Variants in CD164 observed in about 807,000 individuals in gnomAD.
CD164 encodes the protein CD164 molecule, also known as sialomucin core protein 24.
In CD164, 11 loss-of-function variants were observed where a neutral mutation model predicts 24.6. That is an observed-to-expected ratio of 0.45 (90% CI 0.28 to 0.74). CD164 has a LOEUF of 0.74. Ranked by LOEUF, CD164 falls within the 30% of genes least tolerant of loss-of-function variation. The pLI, the probability that CD164 is intolerant of heterozygous loss-of-function variation, is 0.13. For synonymous variants in CD164, 126 were observed against 100.3 expected (o/e 1.26, Z -1.53); for missense variants, 295 against 243.7 (o/e 1.21, Z -1.40).
At chr6:109,378,687 T>C (rs1208209435) in intron 2 of CD164, among the ~76,000 whole-genome samples, 1 of 152,168 alleles carries the variant, frequency 6.6e-6, no homozygotes, top group Non-Finnish European at 1.5e-5. Context: ...AACTCTTACA[T>C]ACTCCCATAT....
intron 5 of CD164, 95 bp downstream of exon 5, chr6:109,370,316 T>C: frequency 2.0e-6 from 2 of 989,016 alleles, no homozygotes; most frequent in Non-Finnish European, 1.6e-6. Context: ...TCCATAACCA[T>C]TAACGAAGAA....
intron 1 of CD164, chr6:109,381,425 A>G: frequency 1.5e-6 from 1 of 685,090 alleles, no homozygotes; most frequent in Non-Finnish European, 2.6e-6. Context: ...AAAACAATTG[A>G]AAAAAGAATA....
intron 4 of CD164, among the ~76,000 whole-genome samples, chr6:109,375,617 C>CAAAAAAAAAAAAAAAAAAAAA (rs58138405): frequency 1.3e-4 from 9 of 71,374 alleles, no homozygotes; most frequent in Admixed American, 3.3e-4. Context: ...ACTTCGCTTC[C>CAAAAAAAAAAAAAAAAAAAAA]AAAAAAAAAA....
chr6:109,375,989 C>A, intron 4 of CD164, 85 bp downstream of exon 4: 1 of 1,056,006 alleles, frequency 9.5e-7, no homozygotes, highest in Non-Finnish European at 1.4e-6. Context: ...ATACTAACAA[C>A]TTTTACATAA....
intron 4 of CD164, among the ~76,000 whole-genome samples, chr6:109,373,220 G>C (rs1383842087): frequency 2.0e-5 from 3 of 152,108 alleles, no homozygotes; most frequent in African/African-American, 7.2e-5. Context: ...GCTTAATACA[G>C]TTCATCTTCC....
intron 4 of CD164, among the ~76,000 whole-genome samples, chr6:109,373,267 T>G (rs1324509512): frequency 5.3e-5 from 8 of 152,232 alleles, no homozygotes; most frequent in African/African-American, 1.4e-4. Context: ...TCTGACATAT[T>G]TTGGCTATTC....
At chr6:109,377,997 C>T in intron 2 of CD164, 26 bp from the exon 3 acceptor site, 5 of 1,558,558 alleles carry the variant, frequency 3.2e-6, no homozygotes, top group Non-Finnish European at 4.4e-6. Context: ...GGAAAAGAGA[C>T]AAACAGCATC....
rs1449039267 is a variant in CD164, at chr6:109,378,913, AG to A, written c.259+665del. Among the ~76,000 whole-genome samples the A allele has an allele frequency of 1.8e-4, 28 of 151,870 alleles. No homozygotes were observed. The East Asian group carries it at 5.4e-3, about 29-fold the overall frequency. The stretch of plus-strand genomic sequence containing the variant: ...TAAAAAAAAAACCGCCAAAACAACT[AG>A]ATTGTTTTACTGATAAGTGCAACCA... On this transcript the variant is annotated intron_variant, in intron 2 of 5. Transcript: ENST00000310786.
At chr6:109,374,540 G>A (rs1582477726) in intron 4 of CD164, among the ~76,000 whole-genome samples, 1 of 152,054 alleles carries the variant, frequency 6.6e-6, no homozygotes, top group African/African-American at 2.4e-5. Flanking sequence ...TTCTGGCATC[G>A]TTCCAATCTA....
At chr6:109,375,127 AAAT>A (rs1444799738) in intron 4 of CD164, among the ~76,000 whole-genome samples, 1 of 152,210 alleles carries the variant, frequency 6.6e-6, no homozygotes, top group Non-Finnish European at 1.5e-5. Context: ...ATGGGAATGA[AAAT>A]AATAAATCTT....
chr6:109,368,795 G>T lies in CD164; in HGVS notation c.*56C>A. 1.9e-6 allele frequency: 3 copies of T among 1,554,660 alleles called. No homozygotes were observed. The highest frequency in any genetic ancestry group is 2.6e-6 in the Non-Finnish European group (3 of 1,156,310). Reference sequence around the variant, plus strand: ...GGGACATCTTAAAAGATAGTATTTTGGCTTCAGTGAGTTACACAAATGAAT... The same window carrying T: ...GGGACATCTTAAAAGATAGTATTTTTGCTTCAGTGAGTTACACAAATGAAT... On this transcript the variant is annotated 3_prime_UTR_variant, in exon 6 of 6. Coordinates refer to ENST00000310786, the MANE Select transcript of CD164 (RefSeq NM_006016.6).
At chr6:109,381,276 A>G (rs1417269825) in intron 1 of CD164, among the ~76,000 whole-genome samples, 2 of 152,194 alleles carry the variant, frequency 1.3e-5, no homozygotes, top group Non-Finnish European at 2.9e-5. Flanking sequence ...TGCCTTAACC[A>G]GCCCTATGCG....
At position 109,368,523 on chromosome 6, in the gene CD164, T is replaced by C; in HGVS notation, c.*328A>G. 1 of 1,363,508 alleles carries C rather than the reference T, an allele frequency of 7.3e-7. No homozygotes were observed. Among genetic ancestry groups the C allele is most frequent in the Non-Finnish European group, 9.4e-7 (1 of 1,064,060 alleles). The allele number at this position is 1,363,508 out of a possible 1,614,324, so 84.5% of individuals were successfully genotyped here. A position where few individuals can be genotyped will look rare whatever the true frequency, so the allele number is the denominator to read the frequency against. ...AAATTTAAACTGCCAAGAGCCATGA[T>C]GTTGTCTGCACAAGACAACATTTTC... On this transcript the variant is annotated 3_prime_UTR_variant, in exon 6 of 6. Transcript: ENST00000310786.
chr6:109,373,773 C>T (rs1054229143), intron 4 of CD164, among the ~76,000 whole-genome samples: 2 of 152,204 alleles, frequency 1.3e-5, no homozygotes, highest in Admixed American at 6.5e-5. Context: ...TAAATATTTA[C>T]GACCACATCA....
intron 2 of CD164, 55 bp from the exon 3 acceptor site, chr6:109,378,026 T>C (rs779173634): frequency 4.5e-5 from 62 of 1,391,246 alleles, no homozygotes; most frequent in Non-Finnish European, 6.0e-5. Flanking sequence ...ATTTGTATTA[T>C]CTTTGACTCT....
In CD164 at chr6:109,368,965, G is replaced by A. The variant is rs1196139495; in HGVS notation, c.480C>T (p.Thr160=). The A allele has an allele frequency of 1.2e-6, 2 of 1,613,902 alleles. No homozygotes were observed. Among genetic ancestry groups the A allele is most frequent in the Non-Finnish European group, 1.7e-6 (2 of 1,179,876 alleles). The change falls in exon 6 of 6, where the codon ACC becomes ACT. Residue 160 remains threonine (T), a synonymous_variant. Transcript: ENST00000310786. ...CTCCAATGAAACTGGCTGCATCAAA[G>A]GTAGACTTTCGCACAGGTTGTGAGG... ...TPTSQPVRKS[T]FDAASFIGGI... is the part of the protein sequence containing the mutation.
intron 3 of CD164, 126 bp downstream of exon 3, chr6:109,377,774 T>G: frequency 2.8e-6 from 2 of 720,826 alleles, no homozygotes; most frequent in Admixed American, 4.1e-5. Flanking sequence ...CTATTCATAT[T>G]CCAATTCTAA....
intron 2 of CD164, among the ~76,000 whole-genome samples, chr6:109,379,001 T>C (rs545718107): frequency 3.4e-4 from 52 of 152,310 alleles, no homozygotes; most frequent in Admixed American, 2.1e-3. Context: ...AAGAATCTTA[T>C]TGAATTTCAA....
chr6:109,368,378 C>T lies in CD164; in HGVS notation c.*473G>A. 3 of 1,494,992 alleles carry T rather than the reference C, an allele frequency of 2.0e-6. No homozygotes were observed. The highest frequency in any genetic ancestry group is 2.5e-5 in the East Asian group (1 of 39,762). 92.6% of individuals were successfully genotyped at this position (1,494,992 alleles called of 1,614,324 possible). On this transcript the variant is annotated 3_prime_UTR_variant, in exon 6 of 6. Coordinates refer to ENST00000310786, the MANE Select transcript of CD164 (RefSeq NM_006016.6). ...AGCACAAAATTTTAATCTAAGGATA[C>T]CATTTAGTACTACTAAATTAATAAA...
Sources: gnomAD v4.1 joint callset for allele counts (sites outside exome capture counted in the v4.1 genomes callset) on GRCh38, gnomAD v4.1.1 for gene constraint, MANE v1.5 for transcripts, NCBI Gene and HGNC (gene_info 2026-07-23, HGNC 2026-07-21) for gene names.